Variants in GALNTL6 observed in about 807,000 individuals in gnomAD.
GALNTL6 encodes the protein polypeptide N-acetylgalactosaminyltransferase-like 6.
A neutral mutation model predicts 73.7 loss-of-function variants in GALNTL6; 46 were observed. The ratio of observed to expected loss-of-function variants is 0.62; its 90% CI spans 0.49 to 0.80. The LOEUF is 0.80. Among genes scored for constraint, GALNTL6 ranks in the 30% least tolerant of loss-of-function variants. The pLI, the probability that GALNTL6 is intolerant of heterozygous loss-of-function variation, is 0.00. For missense variants in GALNTL6, 604 were observed against 755.0 expected (o/e 0.80, Z 2.34); for synonymous variants, 259 against 263.7 (o/e 0.98, Z 0.17).
intron 5 of GALNTL6, among the ~76,000 whole-genome samples, chr4:172,571,968 T>C (rs1056431735): frequency 4.6e-5 from 7 of 152,108 alleles, no homozygotes; most frequent in Admixed American, 6.5e-5. Flanking sequence ...AATGTGCTTT[T>C]CCCCCGTATT....
chr4:172,379,257 G>A lies in GALNTL6; in HGVS notation c.553+30568G>A, dbSNP rs558786307. ...TTCTAAAGAACAGGTTAGGCCGGGC[G>A]CGGTGGCTCACGCCTGTAATCCCAG... is the stretch of plus-strand genomic sequence containing the variant. On this transcript the variant is annotated intron_variant, in intron 5 of 12. Coordinates refer to ENST00000506823, the MANE Select transcript of GALNTL6 (RefSeq NM_001034845.3). 1.2e-4 allele frequency among the ~76,000 whole-genome samples: 18 copies of A among 152,148 alleles called. 1 individual carries two copies. Among genetic ancestry groups the A allele is most frequent in the Non-Finnish European group, 1.9e-4 (13 of 67,996 alleles).
At chr4:171,854,159 T>C (rs535468338) in intron 2 of GALNTL6, among the ~76,000 whole-genome samples, 1 of 152,160 alleles carries the variant, frequency 6.6e-6, no homozygotes, top group Non-Finnish European at 1.5e-5. Context: ...CCTTACCTGA[T>C]GCTGCCTAGC....
At chr4:171,903,869 C>G (rs1242137411) in intron 2 of GALNTL6, among the ~76,000 whole-genome samples, 1 of 152,136 alleles carries the variant, frequency 6.6e-6, no homozygotes, top group African/African-American at 2.4e-5. Flanking sequence ...GGCAGGCACC[C>G]CCCAGCAGGG....
rs189247550 is a variant in GALNTL6 at position 172,321,740 on chromosome 4, G to C, written c.386+9988G>C. 8.1e-4 allele frequency among the ~76,000 whole-genome samples: 123 copies of C among 152,250 alleles called. 2 individuals are homozygous for C. In the South Asian group the frequency reaches 0.016, roughly 19 times the overall value. The stretch of plus-strand genomic sequence containing the variant: ...ACTGATAGAAGGAAGAAATATCAAT[G>C]TTACAAAAGGTAGTAAGGCAGACAA... On this transcript the variant is annotated intron_variant, in intron 4 of 12. Coordinates refer to ENST00000506823, the MANE Select transcript of GALNTL6 (RefSeq NM_001034845.3).
intron 2 of GALNTL6, among the ~76,000 whole-genome samples, chr4:172,072,695 T>C (rs867671167): frequency 2.0e-5 from 3 of 152,316 alleles, no homozygotes; most frequent in African/African-American, 7.2e-5. Context: ...CTATATCCAG[T>C]AACTCCTATC....
intron 8 of GALNTL6, among the ~76,000 whole-genome samples, chr4:172,889,391 GT>G (rs1745900444): frequency 6.6e-6 from 1 of 152,018 alleles, no homozygotes. Context: ...TTGGCTATGG[GT>G]TTATCACAGA....
In GALNTL6 at chr4:172,575,444, C is replaced by T. The variant is rs28529820; in HGVS notation, c.553+226755C>T. ...AATCCTTTATGGTTATTCAATACAG[C>T]CCTATTTATATAGAAGGGAACCCAG... On this transcript the variant is annotated intron_variant, in intron 5 of 12. Coordinates refer to ENST00000506823, the MANE Select transcript of GALNTL6 (RefSeq NM_001034845.3). 1.7e-3 allele frequency among the ~76,000 whole-genome samples: 263 copies of T among 152,222 alleles called. 2 individuals carry two copies. The highest frequency in any genetic ancestry group is 5.7e-3 in the African/African-American group (236 of 41,532).
intron 5 of GALNTL6, among the ~76,000 whole-genome samples, chr4:172,792,950 C>T (rs931512054): frequency 1.3e-5 from 2 of 152,000 alleles, no homozygotes; most frequent in African/African-American, 4.8e-5. Flanking sequence ...AAGATCTTCC[C>T]TTTCAGAATT....
chr4:172,607,441 A>T (rs1324812736), intron 5 of GALNTL6, among the ~76,000 whole-genome samples: 1 of 152,130 alleles, frequency 6.6e-6, no homozygotes, highest in Non-Finnish European at 1.5e-5. Context: ...GATGGCCCCC[A>T]GCTGCATCCA....
intron 5 of GALNTL6, among the ~76,000 whole-genome samples, chr4:172,770,387 T>G (rs1738696255): frequency 6.6e-6 from 1 of 152,130 alleles, no homozygotes; most frequent in African/African-American, 2.4e-5. Flanking sequence ...ATTCTTTTAC[T>G]GTGAAGGAAT....
chr4:172,159,650 T>A (rs1734392993), intron 2 of GALNTL6, among the ~76,000 whole-genome samples: 1 of 152,172 alleles, frequency 6.6e-6, no homozygotes, highest in Admixed American at 6.5e-5. Flanking sequence ...TGGAGCATAA[T>A]GAACAAGGCT....
At chr4:172,490,607 T>C (rs778020644) in intron 5 of GALNTL6, among the ~76,000 whole-genome samples, 1 of 152,156 alleles carries the variant, frequency 6.6e-6, no homozygotes, top group Non-Finnish European at 1.5e-5. Context: ...TCACATTATA[T>C]AATAACTACA....
chr4:172,447,622 T>A (rs144293251), intron 5 of GALNTL6, among the ~76,000 whole-genome samples: 7 of 152,322 alleles, frequency 4.6e-5, no homozygotes, highest in Middle Eastern at 6.8e-3. Flanking sequence ...TAAATGGAGA[T>A]ACTAATGCAT....
At position 172,156,553 on chromosome 4, in the gene GALNTL6, A is replaced by ATATATATATATAG. The variant is rs1560945685; in HGVS notation, c.139-73091_139-73090insGTATATATATATA. 8.7e-5 allele frequency among the ~76,000 whole-genome samples: 12 copies of ATATATATATATAG among 137,592 alleles called. 1 individual carries two copies. Among genetic ancestry groups the ATATATATATATAG allele is most frequent in the African/African-American group, 3.4e-4 (12 of 35,602 alleles). 90.3% of individuals were successfully genotyped at this position (137,592 alleles called of 152,430 possible). A position where few individuals can be genotyped will look rare whatever the true frequency, so the allele number is the denominator to read the frequency against. ...ACATATATATATAATATATATATAT[A>ATATATATATATAG]TATATATATATATACATACTATATA... On this transcript the variant is annotated intron_variant, in intron 2 of 12. Coordinates refer to ENST00000506823, the MANE Select transcript of GALNTL6 (RefSeq NM_001034845.3).
Position 172,804,813 on chromosome 4 carries a change from A to G in GALNTL6, c.554-4548A>G, listed in dbSNP as rs563453306. On this transcript the variant is annotated intron_variant, in intron 5 of 12. Coordinates refer to ENST00000506823, the MANE Select transcript of GALNTL6 (RefSeq NM_001034845.3). Reference sequence around the variant, plus strand: ...TTATTCTGACATTAGTGGCAGTCTCATAGACAGTGAACTGTACAAGATCAG... The same window carrying G: ...TTATTCTGACATTAGTGGCAGTCTCGTAGACAGTGAACTGTACAAGATCAG... Among the ~76,000 whole-genome samples the G allele has an allele frequency of 1.8e-4, 28 of 152,346 alleles. No individual in the cohort carries two copies. The East Asian group carries it at 5.2e-3, about 28-fold the overall frequency.
intron 2 of GALNTL6, among the ~76,000 whole-genome samples, chr4:171,900,951 G>C (rs922523028): frequency 1.3e-5 from 2 of 152,118 alleles, no homozygotes; most frequent in African/African-American, 4.8e-5. Flanking sequence ...ATTTAATAAT[G>C]ATGAGGGCAA....
chr4:171,868,658 C>G (rs547721750), intron 2 of GALNTL6, among the ~76,000 whole-genome samples: 2 of 152,084 alleles, frequency 1.3e-5, no homozygotes, highest in African/African-American at 2.4e-5. Flanking sequence ...TTGAATCGAG[C>G]CTTCTCCTCA....
intron 4 of GALNTL6, among the ~76,000 whole-genome samples, chr4:172,321,433 A>G (rs1390567401): frequency 6.6e-6 from 1 of 152,208 alleles, no homozygotes; most frequent in Non-Finnish European, 1.5e-5. Flanking sequence ...ACCCCTCAGA[A>G]TAATAAAAAG....
intron 5 of GALNTL6, among the ~76,000 whole-genome samples, chr4:172,565,860 A>G (rs1219427014): frequency 2.0e-5 from 3 of 152,142 alleles, no homozygotes; most frequent in African/African-American, 7.2e-5. Flanking sequence ...GAATTTATCC[A>G]TGTCATCTAG....
Sources: allele counts gnomAD v4.1 joint callset (sites outside exome capture counted in the v4.1 genomes callset), GRCh38; gene constraint gnomAD v4.1.1; transcripts MANE v1.5; gene names NCBI Gene and HGNC (gene_info 2026-07-23, HGNC 2026-07-21).